ZNRF3: variants seen among roughly 807,000 people sequenced by gnomAD.
ZNRF3 encodes zinc and ring finger 3.
Under a neutral mutation model 72.5 loss-of-function variants are expected in ZNRF3, and 23 were observed. The observed-to-expected ratio is 0.32, with a 90% confidence interval of 0.23 to 0.45. The LOEUF is 0.45. Ranked by LOEUF, ZNRF3 falls within the 20% of genes least tolerant of loss-of-function variation. ZNRF3 has a pLI of 1.00. For synonymous variants in ZNRF3, 610 were observed against 545.3 expected (o/e 1.12, Z -1.65); for missense variants, 1,169 against 1,272.1 (o/e 0.92, Z 1.23).
intron 1 of ZNRF3, among the ~76,000 whole-genome samples, chr22:28,933,776 T>TCCC (rs1601575472): frequency 9.3e-6 from 1 of 107,880 alleles, no homozygotes. Flanking sequence ...TCTCTCTCTC[T>TCCC]CTCCCCTCCC....
intron 1 of ZNRF3, among the ~76,000 whole-genome samples, chr22:28,884,372 A>G (rs1253636390): frequency 1.3e-5 from 2 of 152,226 alleles, no homozygotes; most frequent in African/African-American, 2.4e-5. Flanking sequence ...GGTCTGCCTC[A>G]GGTGGAAGTC....
At chr22:28,936,949 C>T (rs539370344) in intron 1 of ZNRF3, among the ~76,000 whole-genome samples, 27 of 152,006 alleles carry the variant, frequency 1.8e-4, no homozygotes, top group African/African-American at 5.1e-4. Flanking sequence ...GGGCATTGAG[C>T]GGCCATCCCA....
chr22:29,001,974 A>G (rs1319623874), intron 2 of ZNRF3, among the ~76,000 whole-genome samples: 1 of 152,150 alleles, frequency 6.6e-6, no homozygotes, highest in East Asian at 1.9e-4. Flanking sequence ...TTTCTCTTCA[A>G]AAGCTTTTAA....
intron 2 of ZNRF3, among the ~76,000 whole-genome samples, chr22:29,033,212 A>T (rs991534599): frequency 6.6e-6 from 1 of 152,134 alleles, no homozygotes; most frequent in African/African-American, 2.4e-5. Context: ...TTAGCCGGGC[A>T]TGATGGTGCA....
At chr22:29,044,724 G>A (rs1056783774) in intron 4 of ZNRF3, 56 bp from the exon 5 acceptor site, 14 of 1,243,262 alleles carry the variant, frequency 1.1e-5, no homozygotes, top group African/African-American at 1.5e-5. Context: ...TAGCCCATGT[G>A]CCGCTTACCA....
chr22:28,942,111 G>A (rs1360818048), intron 1 of ZNRF3, among the ~76,000 whole-genome samples: 3 of 152,234 alleles, frequency 2.0e-5, no homozygotes, highest in Admixed American at 6.5e-5. Flanking sequence ...CAGGCCTGAA[G>A]CCAAATGTGT....
intron 2 of ZNRF3, among the ~76,000 whole-genome samples, chr22:29,034,214 T>C (rs1437883438): frequency 2.6e-5 from 4 of 152,200 alleles, no homozygotes; most frequent in Non-Finnish European, 5.9e-5. Flanking sequence ...GGTCCTGGAT[T>C]GTGTCTTCCT....
rs548681605 is a variant in ZNRF3, at chr22:29,050,143, G to T, written c.1962G>T (p.Ser654=). The change falls in exon 8 of 9, where the codon TCG becomes TCT. Residue 654 remains serine, a synonymous_variant. Coordinates refer to ENST00000544604, the MANE Select transcript of ZNRF3 (RefSeq NM_001206998.2). ...CTTGGCCGGGCCCTGCCTCTCCCTC[G>T]GGGGATCAGGTGTCCACCTGCAGCC... The part of the protein sequence containing the change: ...GEPWPGPASP[S]GDQVSTCSLE... 3.7e-6 allele frequency: 6 copies of T among 1,605,094 alleles called. No homozygotes were observed. Among genetic ancestry groups the T allele is most frequent in the Non-Finnish European group, 5.1e-6 (6 of 1,179,828 alleles).
chr22:28,988,203 G>A (rs1002950179), intron 2 of ZNRF3, among the ~76,000 whole-genome samples: 6 of 152,150 alleles, frequency 3.9e-5, no homozygotes, highest in Non-Finnish European at 8.8e-5. Flanking sequence ...AAGGATAGTG[G>A]TACTGACTGG....
At chr22:28,955,448 A>T (rs867187536) in intron 1 of ZNRF3, among the ~76,000 whole-genome samples, 1 of 152,156 alleles carries the variant, frequency 6.6e-6, no homozygotes, top group Non-Finnish European at 1.5e-5. Context: ...TTGTTTTAAA[A>T]AGTCCTCCTG....
At chr22:29,039,787 A>G (rs1478170526) in intron 2 of ZNRF3, among the ~76,000 whole-genome samples, 1 of 135,130 alleles carries the variant, frequency 7.4e-6, no homozygotes, top group Non-Finnish European at 1.6e-5. Context: ...TCTCTACCAA[A>G]AAAAAAAAAA....
chr22:29,050,356 C>T lies in ZNRF3; in HGVS notation c.2175C>T (p.Ala725=), dbSNP rs747003835. The change falls in exon 8 of 9, where the codon GCC becomes GCT. Residue 725 remains alanine, a synonymous_variant. Transcript: ENST00000544604. ...EPQPSPAGPS[A]GAAGSSTLFL... ...AGCCCTCCCCAGCCGGGCCTAGCGCCGGAGCAGCTGGCAGCAGCACCTTGT... is the reference window on the plus strand; with the variant it reads ...AGCCCTCCCCAGCCGGGCCTAGCGCTGGAGCAGCTGGCAGCAGCACCTTGT... The T allele has an allele frequency of 9.4e-6, 15 of 1,603,356 alleles. No homozygotes were observed. The highest frequency in any genetic ancestry group is 1.7e-4 in the Middle Eastern group (1 of 6,040).
At chr22:28,952,772 A>G (rs1356910849) in intron 1 of ZNRF3, among the ~76,000 whole-genome samples, 1 of 152,108 alleles carries the variant, frequency 6.6e-6, no homozygotes, top group Non-Finnish European at 1.5e-5. Flanking sequence ...TGGAATTAGG[A>G]GTTTATGAAG....
In ZNRF3 at chr22:28,883,792, C is replaced by G; in HGVS notation, c.26C>G (p.Pro9Arg). The change falls in exon 1 of 9, where the codon CCA becomes CGA. Residue 9 changes from proline (P) to arginine (R), a missense_variant. Pro to Arg is a moderately radical substitution (Grantham distance 103). Coordinates refer to ENST00000544604, the MANE Select transcript of ZNRF3 (RefSeq NM_001206998.2). The surrounding 1 kb of genome is among the most constrained non-coding windows in gnomAD (Gnocchi z 5.5). MRPRSGGR[P>R]GATGRRRRRL... ...ATGAGGCCGCGCTCGGGCGGGCGCC[C>G]AGGGGCCACGGGCCGCCGCCGCCGC... 1 of 979,464 alleles carries G rather than the reference C, an allele frequency of 1.0e-6. No homozygotes were observed. Among genetic ancestry groups the G allele is most frequent in the Non-Finnish European group, 1.2e-6 (1 of 827,576 alleles). 60.7% of individuals were successfully genotyped at this position (979,464 alleles called of 1,614,324 possible). A position where few individuals can be genotyped will look rare whatever the true frequency, so the allele number is the denominator to read the frequency against.
chr22:28,921,174 C>T (rs1474880503), intron 1 of ZNRF3, among the ~76,000 whole-genome samples: 1 of 152,194 alleles, frequency 6.6e-6, no homozygotes, highest in Non-Finnish European at 1.5e-5. Flanking sequence ...TGGTTCCCTC[C>T]GGTTCATTGA....
intron 1 of ZNRF3, among the ~76,000 whole-genome samples, chr22:28,959,601 TTG>T (rs2035320935): frequency 1.3e-5 from 2 of 152,118 alleles, no homozygotes; most frequent in African/African-American, 4.8e-5. Flanking sequence ...GAATCTTGAG[TTG>T]TGATTTCTGT....
rs928922222 is a variant in ZNRF3 at position 29,030,855 on chromosome 22, G to C, written c.427-11640G>C. Among the ~76,000 whole-genome samples the C allele has an allele frequency of 6.6e-6, 1 of 152,176 alleles. No individual in the cohort carries two copies. Among genetic ancestry groups the C allele is most frequent in the Non-Finnish European group, 1.5e-5 (1 of 68,034 alleles). Reference sequence around the variant, plus strand: ...GGGGGGATGTTGGCCGCAGGGCCTCGGAGTTCTGAGCTGTGTTTGTGGCTT... The same window carrying C: ...GGGGGGATGTTGGCCGCAGGGCCTCCGAGTTCTGAGCTGTGTTTGTGGCTT... On this transcript the variant is annotated intron_variant, in intron 2 of 8. Coordinates refer to ENST00000544604, the MANE Select transcript of ZNRF3 (RefSeq NM_001206998.2). This position sits in a 1 kb window ranked among gnomAD's most constrained non-coding sequence, Gnocchi z 4.2.
At chr22:28,983,701 C>T (rs923206097) in intron 1 of ZNRF3, among the ~76,000 whole-genome samples, 2 of 152,232 alleles carry the variant, frequency 1.3e-5, no homozygotes, top group Admixed American at 1.3e-4. Flanking sequence ...AGGTTTATTG[C>T]CATGCGTGTG....
At chr22:28,988,902 C>T (rs951809766) in intron 2 of ZNRF3, among the ~76,000 whole-genome samples, 1 of 152,140 alleles carries the variant, frequency 6.6e-6, no homozygotes, top group Admixed American at 6.5e-5. Flanking sequence ...TATAGTTCTC[C>T]CATGGTTTAG....
Sources: allele counts gnomAD v4.1 joint callset (sites outside exome capture counted in the v4.1 genomes callset), GRCh38; gene constraint gnomAD v4.1.1; non-coding constraint Gnocchi (gnomAD v3.1); transcripts MANE v1.5; gene names NCBI Gene and HGNC (gene_info 2026-07-23, HGNC 2026-07-21).